The following DGKB variants were observed in gnomAD, a reference collection of about 807,000 sequenced individuals.
DGKB encodes diacylglycerol kinase beta.
A neutral mutation model predicts 114.3 loss-of-function variants in DGKB; 67 were observed. The observed-to-expected ratio is 0.59, with a 90% CI of 0.48 to 0.72. DGKB has a LOEUF of 0.72. DGKB is among the 30% of genes least tolerant of loss of function. DGKB has a pLI of 0.00. For missense variants in DGKB, 907 were observed against 975.2 expected (o/e 0.93, Z 0.93); for synonymous variants, 398 against 323.1 (o/e 1.23, Z -2.49).
rs1828624479 is a variant in DGKB, at chr7:14,718,647, T to C, written c.361A>G (p.Thr121Ala). 2 of 1,612,616 alleles carry C rather than the reference T, an allele frequency of 1.2e-6. No individual in the cohort carries two copies. The highest frequency in any genetic ancestry group is 1.7e-6 in the Non-Finnish European group (2 of 1,179,094). The change falls in exon 6 of 26, where the codon ACT becomes GCT. Residue 121 changes from threonine to alanine, a missense_variant. Physicochemically the swap from Thr to Ala is moderately conservative, Grantham distance 58. Coordinates refer to ENST00000402815, the MANE Select transcript of DGKB (RefSeq NM_001350709.2). ...GAACACGTATTTGCAGGAGAAGTAG[T>C]CCGGGGAGGGGTGATGGCACCTTTA... ...MNKGAITPPR[T>A]TSPANTCSPE...
chr7:14,480,831 T>A (rs898240416), intron 20 of DGKB, among the ~76,000 whole-genome samples: 1 of 152,138 alleles, frequency 6.6e-6, no homozygotes, highest in Non-Finnish European at 1.5e-5. Flanking sequence ...AATATCATTC[T>A]CTATAGCAAT....
intron 12 of DGKB, among the ~76,000 whole-genome samples, chr7:14,677,788 A>T (rs913702986): frequency 6.6e-6 from 1 of 152,088 alleles, no homozygotes; most frequent in Non-Finnish European, 1.5e-5. Context: ...CCTGTCACAG[A>T]GGATTGAAAT....
intron 23 of DGKB, among the ~76,000 whole-genome samples, chr7:14,253,169 C>T (rs562944917): frequency 5.3e-5 from 8 of 151,954 alleles, no homozygotes; most frequent in African/African-American, 1.2e-4. Flanking sequence ...CAAGTAGCTG[C>T]GACTACAAGT....
intron 1 of DGKB, among the ~76,000 whole-genome samples, chr7:14,875,689 A>G (rs1280709374): frequency 6.6e-6 from 1 of 152,170 alleles, no homozygotes; most frequent in African/African-American, 2.4e-5. Context: ...TGACATTTTA[A>G]TCCCAGTGAA....
chr7:14,789,885 A>G (rs10243441), intron 2 of DGKB, among the ~76,000 whole-genome samples: 55,596 of 151,938 alleles, frequency 0.37, 11,725 homozygotes, highest in African/African-American at 0.59. Flanking sequence ...CAGAGTGCTG[A>G]AAAACCATTT....
intron 21 of DGKB, among the ~76,000 whole-genome samples, chr7:14,440,327 G>A (rs1263677950): frequency 6.6e-6 from 1 of 152,084 alleles, no homozygotes; most frequent in African/African-American, 2.4e-5. Context: ...AGAACAGTTT[G>A]CTGTTTACTA....
At chr7:14,891,083 T>C (rs974799813) in intron 1 of DGKB, among the ~76,000 whole-genome samples, 1 of 151,386 alleles carries the variant, frequency 6.6e-6, no homozygotes. Flanking sequence ...TTGTTCAGCA[T>C]CAGTACAAAC....
intron 21 of DGKB, among the ~76,000 whole-genome samples, chr7:14,368,325 T>C (rs1817043915): frequency 6.6e-6 from 1 of 152,180 alleles, no homozygotes; most frequent in Non-Finnish European, 1.5e-5. Context: ...ACCTTTATAG[T>C]ATCACACAGA....
At chr7:14,348,309 C>T (rs1812836161) in intron 21 of DGKB, among the ~76,000 whole-genome samples, 1 of 152,050 alleles carries the variant, frequency 6.6e-6, no homozygotes, top group Non-Finnish European at 1.5e-5. Context: ...GGTTGTTTCA[C>T]ATATCAACAG....
chr7:14,590,175 C>CA (rs1563610113), intron 17 of DGKB, among the ~76,000 whole-genome samples: 1 of 25,616 alleles, frequency 3.9e-5, no homozygotes, highest in Non-Finnish European at 9.3e-5. Context: ...AAAAAAAAAA[C>CA]ATTAAAGAGA....
rs551618345 is a variant in DGKB, at chr7:14,689,199, A to ATTTTTTTTTTTTTT, written c.712-3851_712-3838dup. Among the ~76,000 whole-genome samples, 599 of 76,500 alleles carry ATTTTTTTTTTTTTT rather than the reference A, an allele frequency of 7.8e-3. 100 individuals are homozygous for ATTTTTTTTTTTTTT. Among genetic ancestry groups the ATTTTTTTTTTTTTT allele is most frequent in the East Asian group, 0.052 (74 of 1,424 alleles). The allele number at this position is 76,500 out of a possible 152,430, so 50.2% of individuals were successfully genotyped here. A position where few individuals can be genotyped will look rare whatever the true frequency, so the allele number is the denominator to read the frequency against. On this transcript the variant is annotated intron_variant, in intron 9 of 25. Transcript: ENST00000402815. ...TGACAATGTGACAGAAACTCCTCTT[A>ATTTTTTTTTTTTTT]TTTTTTTTTTTTTTTTTTTTTTTTT...
chr7:14,911,459 A>G (rs562280423), intron 1 of DGKB, among the ~76,000 whole-genome samples: 10 of 152,270 alleles, frequency 6.6e-5, no homozygotes, highest in African/African-American at 1.9e-4. Context: ...TATAAGCTCT[A>G]TAAGTACCAG....
At chr7:14,537,645 G>C (rs1322108161) in intron 20 of DGKB, among the ~76,000 whole-genome samples, 1 of 152,106 alleles carries the variant, frequency 6.6e-6, no homozygotes, top group Admixed American at 6.6e-5. Flanking sequence ...ACGGATTAAA[G>C]ACTTAAATGC....
At chr7:14,673,133 A>G in intron 12 of DGKB, 106 bp from the exon 13 acceptor site, 1 of 641,408 alleles carries the variant, frequency 1.6e-6, no homozygotes, top group South Asian at 2.1e-5. Context: ...AAAGTACAAT[A>G]AAGAAATTAT....
At chr7:14,151,467 T>G (rs73063818) in intron 25 of DGKB, among the ~76,000 whole-genome samples, 1 of 138,002 alleles carries the variant, frequency 7.2e-6, no homozygotes. Context: ...AAAAACTTTT[T>G]AAAAAAAAAA....
intron 14 of DGKB, among the ~76,000 whole-genome samples, chr7:14,624,253 C>T: frequency 6.6e-6 from 1 of 152,080 alleles, no homozygotes; most frequent in East Asian, 1.9e-4. Context: ...TAATTTACTC[C>T]AGCATTCTTG....
chr7:14,246,677 T>C (rs1794526048), intron 23 of DGKB, among the ~76,000 whole-genome samples: 1 of 152,076 alleles, frequency 6.6e-6, no homozygotes, highest in Non-Finnish European at 1.5e-5. Flanking sequence ...TTATCACCCC[T>C]CCAGCTTTAT....
At chr7:14,485,647 C>T (rs756816886) in intron 20 of DGKB, among the ~76,000 whole-genome samples, 3 of 151,602 alleles carry the variant, frequency 2.0e-5, no homozygotes, top group African/African-American at 4.8e-5. Context: ...GCCTGTAATC[C>T]CAGCACTTTG....
In DGKB at chr7:14,872,942, A is replaced by T. The variant is rs1351404093; in HGVS notation, c.-188+29650T>A. Among the ~76,000 whole-genome samples the T allele has an allele frequency of 2.0e-5, 3 of 151,992 alleles. No homozygotes were observed. In the East Asian group the frequency reaches 5.8e-4, roughly 29 times the overall value. ...GAATTCAACATTTTATTTGATAATCAAGAGAGTAAGAACACAAATATTTAA... is the reference window on the plus strand; with the variant it reads ...GAATTCAACATTTTATTTGATAATCTAGAGAGTAAGAACACAAATATTTAA... On this transcript the variant is annotated intron_variant, in intron 1 of 25. Coordinates refer to ENST00000402815, the MANE Select transcript of DGKB (RefSeq NM_001350709.2).
Sources: allele counts gnomAD v4.1 joint callset (sites outside exome capture counted in the v4.1 genomes callset), GRCh38; gene constraint gnomAD v4.1.1; transcripts MANE v1.5; gene names NCBI Gene and HGNC (gene_info 2026-07-23, HGNC 2026-07-21).